CLEC16A: variants seen among roughly 807,000 people sequenced by gnomAD.
CLEC16A encodes the protein protein CLEC16A.
A neutral mutation model predicts 109.5 loss-of-function variants in CLEC16A; 51 were observed. The observed-to-expected ratio is 0.47, with a 90% CI of 0.37 to 0.59. CLEC16A has a LOEUF of 0.59. Among genes scored for constraint, CLEC16A ranks in the 20% least tolerant of loss-of-function variants. The probability of loss-of-function intolerance (pLI) is 0.00; values close to 1 mark genes in which losing one functional copy is unlikely to be tolerated. For missense variants in CLEC16A, 1,339 were observed against 1,394.0 expected, an observed-to-expected ratio of 0.96 and a Z score of 0.63; for synonymous variants, 673 against 564.2, an observed-to-expected ratio of 1.19 and a Z score of -2.73.
chr16:11,133,509 G>A (rs2053368886), intron 22 of CLEC16A, among the ~76,000 whole-genome samples: 1 of 152,130 alleles, frequency 6.6e-6, no homozygotes, highest in South Asian at 2.1e-4. Flanking sequence ...GCAGCCCTTG[G>A]CAGCTGAGTA....
At chr16:11,123,686 A>T in intron 20 of CLEC16A, 56 bp from the exon 21 acceptor site, 2 of 1,558,436 alleles carry the variant, frequency 1.3e-6, no homozygotes, top group Admixed American at 3.3e-5. Flanking sequence ...CACAGCTCCT[A>T]GCCACCCTCC....
Position 11,001,747 on chromosome 16 carries a change from C to T in CLEC16A, c.1072-1327C>T, listed in dbSNP as rs189652982. ...CCTTGACCTCCCAGCCTCAAGCAAT[C>T]CCTCCCACCTCAGCCCCGCAAAGTG... On this transcript the variant is annotated intron_variant, in intron 10 of 23. Transcript: ENST00000409790. 1.9e-3 allele frequency among the ~76,000 whole-genome samples: 296 copies of T among 152,256 alleles called. 1 individual carries two copies. The highest frequency in any genetic ancestry group is 6.7e-3 in the African/African-American group (278 of 41,536).
intron 22 of CLEC16A, among the ~76,000 whole-genome samples, chr16:11,162,199 C>G (rs1417759806): frequency 6.6e-6 from 1 of 152,254 alleles, no homozygotes. Flanking sequence ...CAGGAAGACT[C>G]TGGGCTGCGC....
chr16:11,060,388 C>T (rs532922545), intron 18 of CLEC16A, among the ~76,000 whole-genome samples: 1 of 152,352 alleles, frequency 6.6e-6, no homozygotes, highest in African/African-American at 2.4e-5. Context: ...TTTCATTTCA[C>T]CCTCTTCTGT....
intron 19 of CLEC16A, among the ~76,000 whole-genome samples, chr16:11,106,155 A>G (rs1461345802): frequency 1.3e-5 from 2 of 152,206 alleles, no homozygotes; most frequent in African/African-American, 2.4e-5. Flanking sequence ...TGAACTTCAC[A>G]ACAATGCTAG....
intron 11 of CLEC16A, among the ~76,000 whole-genome samples, chr16:11,008,818 G>A (rs1325162107): frequency 2.2e-4 from 28 of 125,634 alleles, no homozygotes; most frequent in Admixed American, 5.1e-4. Flanking sequence ...GTGACACCCC[G>A]TCTCTACTAA....
intron 22 of CLEC16A, among the ~76,000 whole-genome samples, chr16:11,130,019 C>T (rs1035361928): frequency 5.3e-5 from 8 of 152,188 alleles, no homozygotes; most frequent in African/African-American, 1.2e-4. Flanking sequence ...GTCTCGGCCT[C>T]CCAAAGTGCT....
chr16:11,019,923 T>C (rs992267654), intron 11 of CLEC16A, among the ~76,000 whole-genome samples: 1 of 152,182 alleles, frequency 6.6e-6, no homozygotes, highest in Non-Finnish European at 1.5e-5. Context: ...TTTTAAACTC[T>C]CGAAATAGAA....
intron 11 of CLEC16A, among the ~76,000 whole-genome samples, chr16:11,004,773 CCT>C (rs1189493659): frequency 1.3e-5 from 2 of 152,088 alleles, no homozygotes; most frequent in Non-Finnish European, 2.9e-5. Context: ...GCCACCGAGA[CCT>C]CTTTTTATGG....
intron 9 of CLEC16A, among the ~76,000 whole-genome samples, chr16:10,982,457 C>G (rs559325404): frequency 6.6e-6 from 1 of 152,334 alleles, no homozygotes; most frequent in East Asian, 1.9e-4. Flanking sequence ...AACTCTCCGG[C>G]CCCTTCTTCT....
In CLEC16A at chr16:11,181,925, T is replaced by C. The variant is rs1411645483; in HGVS notation, c.*3235T>C. 2 of 152,694 alleles carry C rather than the reference T, an allele frequency of 1.3e-5. No homozygotes were observed. Among genetic ancestry groups the C allele is most frequent in the Admixed American group, 6.5e-5 (1 of 15,288 alleles). 9.5% of individuals were successfully genotyped at this position (152,694 alleles called of 1,614,324 possible). A position where few individuals can be genotyped will look rare whatever the true frequency, so the allele number is the denominator to read the frequency against. On this transcript the variant is annotated 3_prime_UTR_variant, in exon 24 of 24. Coordinates refer to ENST00000409790, the MANE Select transcript of CLEC16A (RefSeq NM_015226.3). ...CAATAAATAAATCTGAAGCATTTAA[T>C]GTAGTCATCTTGACATTGGGCCTAC...
chr16:11,024,490 G>A (rs987871709), intron 12 of CLEC16A: 1 of 260,522 alleles, frequency 3.8e-6, no homozygotes, highest in Non-Finnish European at 7.7e-6. Flanking sequence ...ATTGATGTCT[G>A]TTTGTTCTGT....
chr16:11,065,341 A>C (rs1225036889), intron 19 of CLEC16A, among the ~76,000 whole-genome samples: 1 of 152,232 alleles, frequency 6.6e-6, no homozygotes, highest in Non-Finnish European at 1.5e-5. Context: ...CAGCCTGTTC[A>C]TGTGGGCACC....
intron 22 of CLEC16A, among the ~76,000 whole-genome samples, chr16:11,128,531 C>G (rs1032120654): frequency 5.9e-5 from 9 of 152,344 alleles, no homozygotes; most frequent in Admixed American, 5.9e-4. Flanking sequence ...CTGACTGCCC[C>G]TGGAAGTGCC....
At chr16:11,072,293 A>AT (rs1312926677) in intron 19 of CLEC16A, among the ~76,000 whole-genome samples, 1 of 150,444 alleles carries the variant, frequency 6.6e-6, no homozygotes, top group African/African-American at 2.4e-5. Context: ...CTATTTTTTT[A>AT]TTTTTTGTGG....
At chr16:11,018,031 G>T (rs535666332) in intron 11 of CLEC16A, among the ~76,000 whole-genome samples, 58 of 151,432 alleles carry the variant, frequency 3.8e-4, no homozygotes, top group African/African-American at 1.2e-3. Context: ...GGTGAAGGCC[G>T]GTGTGGTGGC....
In CLEC16A at chr16:10,944,668, G is replaced by A; in HGVS notation, c.-50G>A. 2 of 1,543,354 alleles carry A rather than the reference G, an allele frequency of 1.3e-6. No individual in the cohort carries two copies. The highest frequency in any genetic ancestry group is 1.8e-6 in the Non-Finnish European group (2 of 1,132,908). ...ACCGCCGCGGGCGCTGGGCCGCTCT[G>A]CTGGTCCGGCATGAGACCGTGAGAC... On this transcript the variant is annotated 5_prime_UTR_variant, in exon 1 of 24. Transcript: ENST00000409790.
At chr16:11,156,571 C>T (rs2054530406) in intron 22 of CLEC16A, 3 of 1,303,644 alleles carry the variant, frequency 2.3e-6, no homozygotes, top group Non-Finnish European at 1.0e-6. Context: ...GCTGCCGTTT[C>T]AGCCCTGCTG....
chr16:11,011,774 G>A (rs190310136), intron 11 of CLEC16A, among the ~76,000 whole-genome samples: 5 of 152,012 alleles, frequency 3.3e-5, no homozygotes, highest in African/African-American at 7.2e-5. Context: ...GTACACACAC[G>A]TATTTTAGAA....
Sources: gnomAD v4.1 joint callset for allele counts (sites outside exome capture counted in the v4.1 genomes callset) on GRCh38, gnomAD v4.1.1 for gene constraint, MANE v1.5 for transcripts, NCBI Gene and HGNC (gene_info 2026-07-23, HGNC 2026-07-21) for gene names.